Variants in RASGEF1C observed in about 807,000 individuals in gnomAD.
The protein encoded by RASGEF1C is RasGEF domain family member 1C.
Under a neutral mutation model 58.1 loss-of-function variants are expected in RASGEF1C, and 27 were observed. The observed-to-expected ratio is 0.46, with a 90% CI of 0.34 to 0.64. RASGEF1C has a LOEUF of 0.64. Ranked by LOEUF, RASGEF1C falls within the 30% of genes least tolerant of loss-of-function variation. The probability of loss-of-function intolerance (pLI) is 0.01; values close to 1 mark genes in which losing one functional copy is unlikely to be tolerated. For synonymous variants in RASGEF1C, 243 were observed against 246.3 expected (o/e 0.99, Z 0.13); for missense variants, 502 against 605.1 (o/e 0.83, Z 1.79).
Position 180,103,320 on chromosome 5 carries a change from G to A in RASGEF1C, c.1304-1177C>T, listed in dbSNP as rs544021652. The stretch of plus-strand genomic sequence containing the variant: ...TCTCGATCTCCTGACCTTGTGATCC[G>A]CCCGCCTCGGCCTCCCAGAGTGCTG... On this transcript the variant is annotated intron_variant, in intron 12 of 13. Transcript: ENST00000361132. 3.9e-3 allele frequency among the ~76,000 whole-genome samples: 595 copies of A among 152,196 alleles called. 3 individuals carry two copies. The highest frequency in any genetic ancestry group is 1.0e-2 in the African/African-American group (415 of 41,542).
At chr5:180,116,474 C>T (rs977279177) in intron 10 of RASGEF1C, among the ~76,000 whole-genome samples, 51 of 152,314 alleles carry the variant, frequency 3.3e-4, no homozygotes, top group Non-Finnish European at 2.1e-4. Context: ...CCCTCCACCC[C>T]TCTCCATCCA....
intron 11 of RASGEF1C, among the ~76,000 whole-genome samples, chr5:180,113,247 C>T (rs1216932644): frequency 0.038 from 1,334 of 34,956 alleles, 282 homozygotes; most frequent in Non-Finnish European, 0.054. Flanking sequence ...GACGGAGGGA[C>T]CGAGGATGGA....
intron 1 of RASGEF1C, among the ~76,000 whole-genome samples, chr5:180,162,493 G>A (rs1330271093): frequency 1.3e-5 from 2 of 152,244 alleles, no homozygotes; most frequent in Admixed American, 1.3e-4. Context: ...AGGCAGCCAT[G>A]TGGGGCAGAC....
intron 1 of RASGEF1C, among the ~76,000 whole-genome samples, chr5:180,182,936 T>G (rs1221516942): frequency 6.6e-6 from 1 of 152,138 alleles, no homozygotes; most frequent in African/African-American, 2.4e-5. Context: ...CCTCTCCTCT[T>G]AGGTATAGGC....
chr5:180,127,809 C>T, intron 5 of RASGEF1C, 126 bp from the exon 6 acceptor site: 2 of 827,068 alleles, frequency 2.4e-6, no homozygotes, highest in South Asian at 3.8e-5. Context: ...ACTGCCCTCC[C>T]CACTGGGGCT....
intron 4 of RASGEF1C, among the ~76,000 whole-genome samples, chr5:180,129,582 C>T (rs1766327508): frequency 6.6e-6 from 1 of 152,212 alleles, no homozygotes; most frequent in Non-Finnish European, 1.5e-5. Flanking sequence ...CCACCGCTCA[C>T]TGCAGGCTCT....
At chr5:180,183,951 C>G (rs1561754772) in intron 1 of RASGEF1C, among the ~76,000 whole-genome samples, 1 of 151,842 alleles carries the variant, frequency 6.6e-6, no homozygotes, top group Non-Finnish European at 1.5e-5. Flanking sequence ...GCTGGCAGAT[C>G]TCTTGAGGTC....
At chr5:180,179,350 G>A (rs1422158067) in intron 1 of RASGEF1C, among the ~76,000 whole-genome samples, 1 of 152,150 alleles carries the variant, frequency 6.6e-6, no homozygotes, top group Non-Finnish European at 1.5e-5. Context: ...GAAGCCCAGG[G>A]ACAGGAGGGG....
chr5:180,136,861 G>A (rs1056477994), intron 3 of RASGEF1C: 33 of 283,780 alleles, frequency 1.2e-4, no homozygotes, highest in East Asian at 1.8e-4. Flanking sequence ...GCAGGCATAC[G>A]CCATCGTGCA....
At chr5:180,185,612 A>C (rs1756022432) in intron 1 of RASGEF1C, among the ~76,000 whole-genome samples, 1 of 151,476 alleles carries the variant, frequency 6.6e-6, no homozygotes, top group Non-Finnish European at 1.5e-5. Context: ...AAATGAATAA[A>C]TAAATAAATA....
rs1046151166 is a variant in RASGEF1C, at chr5:180,156,290, G to A, written c.-6-18232C>T. ...GCTGGACGGAGGCTCCAGGAGGTGAGCGGATCAGTCTCCAGGCTGTGGTCT... is the reference window on the plus strand; with the variant it reads ...GCTGGACGGAGGCTCCAGGAGGTGAACGGATCAGTCTCCAGGCTGTGGTCT... On this transcript the variant is annotated intron_variant, in intron 1 of 13. Transcript: ENST00000361132. The surrounding 1 kb of genome is among the most constrained non-coding windows in gnomAD (Gnocchi z 4.9). Among the ~76,000 whole-genome samples the A allele has an allele frequency of 2.6e-5, 4 of 152,176 alleles. No homozygotes were observed. Among genetic ancestry groups the A allele is most frequent in the Non-Finnish European group, 4.4e-5 (3 of 68,032 alleles).
intron 5 of RASGEF1C, among the ~76,000 whole-genome samples, 153 bp downstream of exon 5, chr5:180,128,257 C>T (rs1766297872): frequency 6.6e-6 from 1 of 152,246 alleles, no homozygotes; most frequent in African/African-American, 2.4e-5. Flanking sequence ...CCCTTGGCCT[C>T]TGCATCCACA....
At chr5:180,134,609 C>T (rs1224790627) in intron 4 of RASGEF1C, among the ~76,000 whole-genome samples, 5 of 151,388 alleles carry the variant, frequency 3.3e-5, no homozygotes, top group Non-Finnish European at 7.4e-5. Context: ...CAGTGACCCA[C>T]CCCAGATCCA....
chr5:180,104,904 T>C (rs1277632854), intron 12 of RASGEF1C, among the ~76,000 whole-genome samples: 1 of 152,208 alleles, frequency 6.6e-6, no homozygotes, highest in Non-Finnish European at 1.5e-5. Flanking sequence ...TCAATGTCTG[T>C]AGTCGTTAGT....
At chr5:180,201,721 T>C (rs1370800146) in intron 1 of RASGEF1C, among the ~76,000 whole-genome samples, 1 of 152,176 alleles carries the variant, frequency 6.6e-6, no homozygotes, top group African/African-American at 2.4e-5. Flanking sequence ...GTGATGGCAT[T>C]TGGGGGCGGG....
intron 1 of RASGEF1C, among the ~76,000 whole-genome samples, chr5:180,205,337 T>C (rs1756469049): frequency 6.6e-6 from 1 of 152,150 alleles, no homozygotes. Context: ...CCATTTATAG[T>C]AGCAACACAC....
intron 12 of RASGEF1C, among the ~76,000 whole-genome samples, chr5:180,104,842 A>G (rs1765848935): frequency 6.6e-6 from 1 of 152,172 alleles, no homozygotes; most frequent in Non-Finnish European, 1.5e-5. Flanking sequence ...TTTCATTTAA[A>G]TTGTTAAATT....
chr5:180,137,617 C>T lies in RASGEF1C; in HGVS notation c.273G>A (p.Gln91=). 6.2e-7 allele frequency: 1 copy of T among 1,610,026 alleles called. No homozygotes were observed. The highest frequency in any genetic ancestry group is 1.1e-5 in the South Asian group (1 of 90,790). ...ARVCHLCIEQ[Q]QLDKPVLDKA... ...TGTCCAGCACCGGCTTGTCCAGCTG[C>T]TGCTGCTCGATGCACAGGTGGCAGA... is the stretch of plus-strand genomic sequence containing the variant. Residue 91 remains glutamine (Q), a synonymous_variant, in exon 3 of 14, where the codon CAG becomes CAA. Transcript: ENST00000361132. The surrounding 1 kb of genome is among the most constrained non-coding windows in gnomAD (Gnocchi z 4.1).
At chr5:180,102,249 C>T in intron 12 of RASGEF1C, 106 bp from the exon 13 acceptor site, 1 of 683,496 alleles carries the variant, frequency 1.5e-6, no homozygotes, top group South Asian at 1.7e-5. Context: ...CTATTCTGTC[C>T]CATTGATCCA....
Sources: allele counts gnomAD v4.1 joint callset (sites outside exome capture counted in the v4.1 genomes callset), GRCh38; gene constraint gnomAD v4.1.1; non-coding constraint Gnocchi (gnomAD v3.1); transcripts MANE v1.5; gene names NCBI Gene and HGNC (gene_info 2026-07-23, HGNC 2026-07-21).